DLAT: variants seen among roughly 807,000 people sequenced by gnomAD.
DLAT encodes the protein dihydrolipoamide S-acetyltransferase.
DLAT carries 43 observed loss-of-function variants against 68.0 expected under a neutral mutation model. The ratio of observed to expected loss-of-function variants is 0.63; its 90% CI spans 0.50 to 0.81. The LOEUF (loss-of-function observed/expected upper bound fraction) is 0.81. Ranked by LOEUF, DLAT falls within the 40% of genes least tolerant of loss-of-function variation. The pLI is 0.00. For missense variants in DLAT, 745 were observed against 815.4 expected (o/e 0.91, Z 1.05); for synonymous variants, 265 against 288.6 (o/e 0.92, Z 0.83).
chr11:112,059,921 C>T lies in DLAT; in HGVS notation c.1533C>T (p.Val511=). Residue 511 remains valine, a synonymous_variant, in exon 12 of 14, where the codon GTC becomes GTT. Coordinates refer to ENST00000280346, the MANE Select transcript of DLAT (RefSeq NM_001931.5). ...TAAACAGAAATCATGTTGTTGATGTCAGTGTTGCGGTCAGTACTCCTGCAG... is the reference window on the plus strand; with the variant it reads ...TAAACAGAAATCATGTTGTTGATGTTAGTGTTGCGGTCAGTACTCCTGCAG... ...TVIRQNHVVD[V]SVAVSTPAGL... is the part of the protein sequence containing the mutation. 1 of 1,609,822 alleles carries T rather than the reference C, an allele frequency of 6.2e-7. No homozygotes were observed. Among genetic ancestry groups the T allele is most frequent in the Non-Finnish European group, 8.5e-7 (1 of 1,178,212 alleles).
rs1431585804 is a variant in DLAT, at chr11:112,051,550, C to G, written c.1514+201C>G. Among the ~76,000 whole-genome samples the G allele has an allele frequency of 6.6e-6, 1 of 151,880 alleles. No individual in the cohort carries two copies. Among genetic ancestry groups the G allele is most frequent in the Non-Finnish European group, 1.5e-5 (1 of 67,978 alleles). On this transcript the variant is annotated intron_variant, in intron 11 of 13. Transcript: ENST00000280346. The surrounding 1 kb of genome is among the most constrained non-coding windows in gnomAD (Gnocchi z 4.3). ...TTTCTTACTGGCCCCAATTTTCAAC[C>G]TTGTTTTTGTTTTTGTTTTTGTTGT... is the stretch of plus-strand genomic sequence containing the variant.
At chr11:112,061,790 G>A (rs1566642961) in intron 13 of DLAT, among the ~76,000 whole-genome samples, 1 of 152,122 alleles carries the variant, frequency 6.6e-6, no homozygotes, top group East Asian at 1.9e-4. Context: ...TCACCATGTA[G>A]GCCAGGCTGG....
intron 9 of DLAT, 66 bp from the exon 10 acceptor site, chr11:112,045,797 C>T (rs1466711297): frequency 1.0e-6 from 1 of 974,584 alleles, no homozygotes; most frequent in East Asian, 2.5e-5. Context: ...AAGAGACAAA[C>T]AGAGCCCTAA....
intron 5 of DLAT, among the ~76,000 whole-genome samples, chr11:112,036,441 G>A (rs1309983982): frequency 5.3e-5 from 8 of 151,360 alleles, no homozygotes; most frequent in African/African-American, 1.2e-4. Flanking sequence ...TCGAACTCCC[G>A]ACCTCAGGTG....
rs147456178 is a variant in DLAT, at chr11:112,060,033, A to G, written c.1645A>G (p.Arg549Gly). The change falls in exon 12 of 14, where the codon AGA becomes GGA. Residue 549 changes from arginine (R) to glycine (G), a missense_variant. Transcript: ENST00000280346. ...NDVVSLATKA[R>G]EGKLQPHEFQ... The stretch of plus-strand genomic sequence containing the variant: ...TGTTGTTTCTTTAGCAACCAAAGCA[A>G]GAGAGGGTAAACTACAGCCACATGA... The G allele has an allele frequency of 5.6e-6, 9 of 1,614,130 alleles. No homozygotes were observed. Among genetic ancestry groups the G allele is most frequent in the African/African-American group, 5.3e-5 (4 of 75,046 alleles).
chr11:112,039,440 T>C, intron 7 of DLAT, 43 bp downstream of exon 7: 1 of 1,604,566 alleles, frequency 6.2e-7, no homozygotes, highest in Non-Finnish European at 8.5e-7. Context: ...AGTTAAAATT[T>C]AGTTGAATTT....
intron 2 of DLAT, among the ~76,000 whole-genome samples, 193 bp downstream of exon 2, chr11:112,026,492 C>T (rs1555179287): frequency 6.6e-6 from 1 of 151,862 alleles, no homozygotes; most frequent in African/African-American, 2.4e-5. Context: ...TGTTTGTGTC[C>T]CTGGGTACTT....
Position 112,051,897 on chromosome 11 carries a change from C to T in DLAT, c.1514+548C>T. 6.6e-6 allele frequency among the ~76,000 whole-genome samples: 1 copy of T among 152,126 alleles called. No individual in the cohort carries two copies. Among genetic ancestry groups the T allele is most frequent in the East Asian group, 1.9e-4 (1 of 5,196 alleles). On this transcript the variant is annotated intron_variant, in intron 11 of 13. Transcript: ENST00000280346. This position sits in a 1 kb window ranked among gnomAD's most constrained non-coding sequence, Gnocchi z 4.3. ...ATTAGAACAGTAATTGTTAATAATA[C>T]AATGGTATAGAGTAGTATGGTACTC... is the stretch of plus-strand genomic sequence containing the variant.
rs781990028 is a variant in DLAT, at chr11:112,026,267, G to A, written c.349G>A (p.Asp117Asn). 1 of 1,607,100 alleles carries A rather than the reference G, an allele frequency of 6.2e-7. No individual in the cohort carries two copies. Among genetic ancestry groups the A allele is most frequent in the Non-Finnish European group, 8.5e-7 (1 of 1,176,394 alleles). ...TIARWEKKEG[D>N]KINEGDLIAE... ...AGCCCGTTGGGAAAAAAAAGAGGGG[G>A]ACAAAATCAATGAAGGTGACCTAAT... Residue 117 changes from aspartate to asparagine, a missense_variant, in exon 2 of 14, where the codon GAC becomes AAC. Asp to Asn is a conservative substitution (Grantham distance 23). Coordinates refer to ENST00000280346, the MANE Select transcript of DLAT (RefSeq NM_001931.5).
rs782803398 is a variant in DLAT, at chr11:112,059,903, A to G, written c.1515A>G (p.Gln505=). Residue 505 remains glutamine (Q), a splice_region_variant and synonymous_variant, in exon 12 of 14, where the codon CAA becomes CAG. Transcript: ENST00000280346. ...NSSWMDTVIR[Q]NHVVDVSVAV... ...TATATTTATTTTTCTTTTTAAACAG[A>G]AATCATGTTGTTGATGTCAGTGTTG... The G allele has an allele frequency of 6.2e-7, 1 of 1,601,396 alleles. No individual in the cohort carries two copies. Among genetic ancestry groups the G allele is most frequent in the Non-Finnish European group, 8.5e-7 (1 of 1,173,574 alleles).
intron 5 of DLAT, 26 bp from the exon 6 acceptor site, chr11:112,037,247 C>T: frequency 6.2e-7 from 1 of 1,603,208 alleles, no homozygotes; most frequent in Non-Finnish European, 8.5e-7. Flanking sequence ...TCTTAAGTCC[C>T]ATAATGTTTT....
rs139194443 is a variant in DLAT, at chr11:112,033,497, C to T, written c.754C>T (p.Leu252=). The change falls in exon 5 of 14, where the codon CTG becomes TTG. Residue 252 remains leucine (L), a synonymous_variant. Transcript: ENST00000280346. The part of the protein sequence containing the change: ...VGEKLSEGDL[L]AEIETDKATI... The stretch of plus-strand genomic sequence containing the variant: ...TGAGAAGCTAAGTGAAGGAGACTTA[C>T]TGGCAGAGATAGAAACTGACAAAGC... The T allele has an allele frequency of 7.2e-5, 117 of 1,613,912 alleles. No homozygotes were observed. In the African/African-American group the frequency reaches 1.3e-3, roughly 18 times the overall value.
intron 11 of DLAT, among the ~76,000 whole-genome samples, chr11:112,056,787 AC>A (rs1864117787): frequency 1.3e-5 from 2 of 152,192 alleles, no homozygotes; most frequent in African/African-American, 4.8e-5. Context: ...TTACCTTCCC[AC>A]CAATAGTGGA....
intron 13 of DLAT, 81 bp downstream of exon 13, chr11:112,061,255 G>A: frequency 6.6e-7 from 1 of 1,505,206 alleles, no homozygotes; most frequent in Non-Finnish European, 9.2e-7. Flanking sequence ...TCAGGGGATT[G>A]GCTCCAGGAA....
At chr11:112,043,410 C>T (rs1335691483) in intron 7 of DLAT, 56 bp from the exon 8 acceptor site, 1 of 1,513,448 alleles carries the variant, frequency 6.6e-7, no homozygotes, top group African/African-American at 1.4e-5. Flanking sequence ...CAGCGTTGAT[C>T]TCCTTGGGGA....
chr11:112,028,411 T>C (rs1555179613), intron 2 of DLAT, 104 bp from the exon 3 acceptor site: 1 of 1,307,928 alleles, frequency 7.6e-7, no homozygotes, highest in Non-Finnish European at 1.0e-6. Flanking sequence ...AGAATGAGAC[T>C]CTGTGTCTCA....
rs898321579 is a variant in DLAT at position 112,025,430 on chromosome 11, C to G, written c.-43C>G. ...GCCGCTGCTCTTGGAGAGGTCACTC[C>G]GGAGACGGCGTTGGTTTTGGGGTGT... On this transcript the variant is annotated 5_prime_UTR_variant, in exon 1 of 14. Coordinates refer to ENST00000280346, the MANE Select transcript of DLAT (RefSeq NM_001931.5). 6.3e-7 allele frequency: 1 copy of G among 1,590,774 alleles called. No individual in the cohort carries two copies. The highest frequency in any genetic ancestry group is 2.3e-5 in the East Asian group (1 of 44,092).
chr11:112,054,343 T>A (rs1555182280), intron 11 of DLAT, among the ~76,000 whole-genome samples: 1 of 151,898 alleles, frequency 6.6e-6, no homozygotes, highest in Non-Finnish European at 1.5e-5. Context: ...AATAAATAAA[T>A]ATAAATCTAT....
chr11:112,043,484 G>C lies in DLAT; in HGVS notation c.1148G>C (p.Arg383Thr). 1 of 1,614,104 alleles carries C rather than the reference G, an allele frequency of 6.2e-7. No individual in the cohort carries two copies. The highest frequency in any genetic ancestry group is 8.5e-7 in the Non-Finnish European group (1 of 1,179,972). ...CTTACAGGGACAGGACCAGATGGTA[G>C]AATCACCAAGAAGGATATCGACTCT... ...TQVKGTGPDG[R>T]ITKKDIDSFV... Residue 383 changes from arginine (R) to threonine (T), a missense_variant, in exon 8 of 14, where the codon AGA (arginine) becomes ACA (threonine). Transcript: ENST00000280346.
Sources: allele counts gnomAD v4.1 joint callset (sites outside exome capture counted in the v4.1 genomes callset), GRCh38; gene constraint gnomAD v4.1.1; non-coding constraint Gnocchi (gnomAD v3.1); transcripts MANE v1.5; gene names NCBI Gene and HGNC (gene_info 2026-07-23, HGNC 2026-07-21).